The following SYCP2 variants were observed in gnomAD, a reference collection of about 807,000 sequenced individuals.
SYCP2 encodes the protein synaptonemal complex protein 2.
Under a neutral mutation model 211.3 loss-of-function variants are expected in SYCP2, and 55 were observed. The ratio of observed to expected loss-of-function variants is 0.26; its 90% CI spans 0.21 to 0.33. SYCP2 has a LOEUF of 0.33. Ranked by LOEUF, SYCP2 falls within the 10% of genes least tolerant of loss-of-function variation. The pLI is 1.00. For missense variants in SYCP2, 1,731 were observed against 1,752.0 expected (o/e 0.99, Z 0.21); for synonymous variants, 570 against 555.2 (o/e 1.03, Z -0.37).
chr20:59,932,172 C>T lies in SYCP2; in HGVS notation c.-139-18G>A, dbSNP rs1398878406. On this transcript the variant is annotated intron_variant, in intron 1 of 44. Coordinates refer to ENST00000357552, the MANE Select transcript of SYCP2 (RefSeq NM_014258.4). ...TTGTGTATCTGCAGGCAGATAAAAGCGTTACGGATAAAAACAACAACAAAG... is the reference window on the plus strand; with the variant it reads ...TTGTGTATCTGCAGGCAGATAAAAGTGTTACGGATAAAAACAACAACAAAG... 6.6e-6 allele frequency: 1 copy of T among 151,990 alleles called. No homozygotes were observed. The highest frequency in any genetic ancestry group is 1.5e-5 in the Non-Finnish European group (1 of 68,004). 9.4% of individuals were successfully genotyped at this position (151,990 alleles called of 1,614,324 possible). A position where few individuals can be genotyped will look rare whatever the true frequency, so the allele number is the denominator to read the frequency against.
chr20:59,868,711 AGTTT>A (rs1481902120), intron 37 of SYCP2, 120 bp downstream of exon 37: 8 of 1,241,370 alleles, frequency 6.4e-6, no homozygotes, highest in South Asian at 6.4e-5. Flanking sequence ...AATTCTACCT[AGTTT>A]ATTTTCTTTT....
intron 26 of SYCP2, among the ~76,000 whole-genome samples, chr20:59,883,493 T>C (rs2042648443): frequency 1.3e-5 from 2 of 152,190 alleles, no homozygotes; most frequent in Admixed American, 6.6e-5. Context: ...TGTATATATA[T>C]GAAGAAATAC....
At chr20:59,908,919 A>AT (rs1317266301) in intron 14 of SYCP2, among the ~76,000 whole-genome samples, 1 of 152,148 alleles carries the variant, frequency 6.6e-6, no homozygotes, top group Non-Finnish European at 1.5e-5. Flanking sequence ...CCTTAACTTG[A>AT]TGTCTTTACT....
intron 2 of SYCP2, among the ~76,000 whole-genome samples, chr20:59,930,625 A>G (rs530663355): frequency 1.3e-5 from 2 of 152,332 alleles, no homozygotes; most frequent in Admixed American, 1.3e-4. Flanking sequence ...CTATATTAAT[A>G]TATATGTAGA....
chr20:59,886,017 TA>T, intron 25 of SYCP2, 53 bp from the exon 26 acceptor site: 1 of 1,340,140 alleles, frequency 7.5e-7, no homozygotes, highest in Non-Finnish European at 1.0e-6. Context: ...ATCAATATCA[TA>T]AAAGTCATTT....
chr20:59,891,309 A>T (rs913383772), intron 24 of SYCP2, among the ~76,000 whole-genome samples: 1 of 152,038 alleles, frequency 6.6e-6, no homozygotes, highest in African/African-American at 2.4e-5. Context: ...GCATTTTGAT[A>T]GTTAAGAAAA....
At position 59,864,185 on chromosome 20, in the gene SYCP2, G is replaced by T; in HGVS notation, c.*126C>A. 3.5e-6 allele frequency: 2 copies of T among 578,628 alleles called. No homozygotes were observed. Among genetic ancestry groups the T allele is most frequent in the Non-Finnish European group, 2.9e-6 (1 of 349,174 alleles). The allele number at this position is 578,628 out of a possible 1,614,324, so 35.8% of individuals were successfully genotyped here. ...AAAAGACATTTTTTTTTAATTTGAG[G>T]GTTCCTATAAAGGGTACACTTGCTT... is the stretch of plus-strand genomic sequence containing the variant. On this transcript the variant is annotated 3_prime_UTR_variant, in exon 45 of 45. Coordinates refer to ENST00000357552, the MANE Select transcript of SYCP2 (RefSeq NM_014258.4).
chr20:59,868,635 C>T, intron 37 of SYCP2, 67 bp from the exon 38 acceptor site: 1 of 1,481,302 alleles, frequency 6.8e-7, no homozygotes, highest in Non-Finnish European at 9.0e-7. Context: ...TATTTTCTTG[C>T]TTTTATTTTA....
chr20:59,900,081 T>TA, intron 18 of SYCP2, 57 bp downstream of exon 18: 1 of 1,541,834 alleles, frequency 6.5e-7, no homozygotes, highest in Non-Finnish European at 9.0e-7. Flanking sequence ...TACTCATATA[T>TA]AACAGTGATT....
intron 10 of SYCP2, 50 bp downstream of exon 10, chr20:59,915,115 T>G: frequency 8.9e-7 from 1 of 1,117,350 alleles, no homozygotes; most frequent in South Asian, 1.3e-5. Flanking sequence ...AGATACTATC[T>G]GCTATTCATA....
chr20:59,865,982 A>G (rs969533385), intron 41 of SYCP2, 117 bp from the exon 42 acceptor site: 11 of 459,812 alleles, frequency 2.4e-5, no homozygotes, highest in African/African-American at 8.2e-5. Flanking sequence ...CTCTATTTCT[A>G]TTATTACAAA....
rs2059436059 is a variant in SYCP2 at position 59,870,700 on chromosome 20, GGTAT to G, written c.3556-721_3556-718del. Among the ~76,000 whole-genome samples, 5 of 151,740 alleles carry G rather than the reference GGTAT, an allele frequency of 3.3e-5. No homozygotes were observed. The South Asian group carries it at 1.0e-3, about 32-fold the overall frequency. On this transcript the variant is annotated intron_variant, in intron 35 of 44. Transcript: ENST00000357552. ...AATTCTGAGGAATGGTGGGGCAGGG[GGTAT>G]GTAACACCCTATAAATGTAAAATGA...
intron 2 of SYCP2, 40 bp from the exon 3 acceptor site, chr20:59,922,499 G>T: frequency 2.0e-6 from 2 of 1,007,702 alleles, no homozygotes; most frequent in Non-Finnish European, 2.9e-6. Flanking sequence ...CTCACAATCT[G>T]TTTCATGTGT....
chr20:59,904,935 A>G (rs2060186856), intron 15 of SYCP2, among the ~76,000 whole-genome samples: 1 of 152,158 alleles, frequency 6.6e-6, no homozygotes, highest in African/African-American at 2.4e-5. Flanking sequence ...ACCTGAATTA[A>G]CAAGAGAAAT....
intron 7 of SYCP2, 126 bp from the exon 8 acceptor site, chr20:59,916,697 T>C: frequency 1.6e-6 from 1 of 623,054 alleles, no homozygotes; most frequent in Non-Finnish European, 2.8e-6. Flanking sequence ...CCTAGCACTT[T>C]GGAAGGCCCA....
chr20:59,925,462 T>C (rs1379377184), intron 2 of SYCP2, among the ~76,000 whole-genome samples: 1 of 152,118 alleles, frequency 6.6e-6, no homozygotes, highest in African/African-American at 2.4e-5. Flanking sequence ...GCCACACAGA[T>C]GAAAGTATTT....
intron 8 of SYCP2, among the ~76,000 whole-genome samples, chr20:59,916,119 T>C (rs1483204189): frequency 6.6e-6 from 1 of 152,180 alleles, no homozygotes; most frequent in Non-Finnish European, 1.5e-5. Context: ...AAAACTTGTA[T>C]TTATTTTAAC....
chr20:59,898,735 A>G (rs185369744), intron 18 of SYCP2, among the ~76,000 whole-genome samples: 2,962 of 151,648 alleles, frequency 0.02, 42 homozygotes, highest in Middle Eastern at 0.041. Flanking sequence ...AAGATATGTA[A>G]AATGTTTTAA....
chr20:59,894,418 T>C (rs1036176702), intron 20 of SYCP2, among the ~76,000 whole-genome samples: 4 of 151,958 alleles, frequency 2.6e-5, no homozygotes, highest in Non-Finnish European at 4.4e-5. Flanking sequence ...TTAGACAACT[T>C]GAACCATTAC....
Sources: gnomAD v4.1 joint callset for allele counts (sites outside exome capture counted in the v4.1 genomes callset) on GRCh38, gnomAD v4.1.1 for gene constraint, MANE v1.5 for transcripts, NCBI Gene and HGNC (gene_info 2026-07-23, HGNC 2026-07-21) for gene names.